The following PDE4D variants were observed in gnomAD, a reference collection of about 807,000 sequenced individuals.
The protein encoded by PDE4D is phosphodiesterase 4D.
PDE4D carries 24 observed loss-of-function variants against 87.4 expected under a neutral mutation model. The ratio of observed to expected loss-of-function variants is 0.27; its 90% confidence interval spans 0.20 to 0.39. PDE4D has a LOEUF of 0.39. Ranked by LOEUF, PDE4D falls within the 10% of genes least tolerant of loss-of-function variation. PDE4D has a pLI of 1.00. For synonymous variants in PDE4D, 384 were observed against 383.2 expected (o/e 1.00, Z -0.02); for missense variants, 714 against 1,041.0 (o/e 0.69, Z 4.32).
chr5:60,438,318 G>A (rs1260968470), intron 1 of PDE4D, among the ~76,000 whole-genome samples: 4 of 152,202 alleles, frequency 2.6e-5, no homozygotes, highest in South Asian at 4.1e-4. Context: ...TGCCTTTCCT[G>A]TTAACCTCAT....
chr5:60,054,679 TA>T (rs71606622), intron 2 of PDE4D, among the ~76,000 whole-genome samples: 1,677 of 150,960 alleles, frequency 0.011, 27 homozygotes, highest in African/African-American at 0.037. Context: ...TAAAGTATAA[TA>T]AAAAAAAATA....
At chr5:59,602,659 C>T (rs944409132) in intron 1 of PDE4D, among the ~76,000 whole-genome samples, 1 of 151,926 alleles carries the variant, frequency 6.6e-6, no homozygotes, top group Non-Finnish European at 1.5e-5. Context: ...ATTCCAATAC[C>T]ATTCTTCACA....
intron 1 of PDE4D, chr5:59,217,078 G>A (rs1751420318): frequency 2.6e-6 from 1 of 383,942 alleles, no homozygotes. Flanking sequence ...TTAGAGCTGG[G>A]AAAAAATCTA....
intron 1 of PDE4D, among the ~76,000 whole-genome samples, chr5:60,294,570 T>C (rs563255205): frequency 6.6e-6 from 1 of 152,280 alleles, no homozygotes; most frequent in Admixed American, 6.5e-5. Context: ...TTTATTTTTT[T>C]CCCATATGGA....
At chr5:59,259,906 T>C (rs1185306077) in intron 1 of PDE4D, among the ~76,000 whole-genome samples, 1 of 151,836 alleles carries the variant, frequency 6.6e-6, no homozygotes, top group Non-Finnish European at 1.5e-5. Flanking sequence ...TGAATGAATT[T>C]ATTCAGGATG....
intron 1 of PDE4D, among the ~76,000 whole-genome samples, chr5:60,242,276 T>C (rs1452109841): frequency 1.3e-5 from 2 of 151,886 alleles, no homozygotes; most frequent in African/African-American, 4.8e-5. Flanking sequence ...AGGAAGAGGG[T>C]ATAACAATTA....
intron 5 of PDE4D, among the ~76,000 whole-genome samples, chr5:59,121,553 TA>T (rs1460754512): frequency 0.013 from 1,852 of 147,742 alleles, 34 homozygotes; most frequent in African/African-American, 0.043. Flanking sequence ...TAATAAAAAA[TA>T]AAAAAAAAAT....
intron 4 of PDE4D, among the ~76,000 whole-genome samples, chr5:59,181,541 C>CATATATATATATATA (rs61135815): frequency 0.013 from 793 of 60,618 alleles, 21 homozygotes; most frequent in African/African-American, 0.02. Context: ...TCAAAGATGT[C>CATATATATATATATA]TGATATATAT....
At chr5:60,450,772 T>C (rs948028287) in intron 1 of PDE4D, among the ~76,000 whole-genome samples, 15 of 152,272 alleles carry the variant, frequency 9.9e-5, no homozygotes, top group African/African-American at 3.4e-4. Context: ...TACATGGTGA[T>C]ATCTATCTTC....
At chr5:59,226,506 A>T (rs1753804285) in intron 1 of PDE4D, among the ~76,000 whole-genome samples, 1 of 152,170 alleles carries the variant, frequency 6.6e-6, no homozygotes, top group Admixed American at 6.5e-5. Context: ...GGAGAAATGG[A>T]GAGTTGTTGT....
At chr5:59,879,285 G>A (rs1165763036) in intron 1 of PDE4D, among the ~76,000 whole-genome samples, 1 of 152,152 alleles carries the variant, frequency 6.6e-6, no homozygotes, top group Non-Finnish European at 1.5e-5. Context: ...ACATCTTATA[G>A]GGAAGTTAAG....
intron 1 of PDE4D, among the ~76,000 whole-genome samples, chr5:60,318,216 T>A (rs1755831637): frequency 6.6e-6 from 1 of 152,258 alleles, no homozygotes; most frequent in Admixed American, 6.5e-5. Context: ...TCCTGTTGAA[T>A]TGATCCCTTT....
chr5:60,095,266 G>C (rs1427542609), intron 2 of PDE4D, among the ~76,000 whole-genome samples: 2 of 152,090 alleles, frequency 1.3e-5, no homozygotes, highest in African/African-American at 4.8e-5. Flanking sequence ...TGTTCTCTTT[G>C]TTCAGCTCCC....
At chr5:60,353,713 G>C (rs947157542) in intron 1 of PDE4D, among the ~76,000 whole-genome samples, 1 of 152,172 alleles carries the variant, frequency 6.6e-6, no homozygotes, top group African/African-American at 2.4e-5. Context: ...GATGTTGAGA[G>C]ATAATCCATA....
intron 3 of PDE4D, among the ~76,000 whole-genome samples, chr5:59,980,630 A>C (rs1047394056): frequency 4.6e-5 from 7 of 152,218 alleles, no homozygotes; most frequent in Non-Finnish European, 4.4e-5. Context: ...ACAGATATAA[A>C]GTAAAATACT....
At chr5:59,394,364 A>G (rs1788891478) in intron 1 of PDE4D, among the ~76,000 whole-genome samples, 1 of 152,200 alleles carries the variant, frequency 6.6e-6, no homozygotes. Flanking sequence ...TCTCAAAGGC[A>G]TATTCTCTTC....
chr5:59,909,360 C>T (rs1471355941), intron 3 of PDE4D, among the ~76,000 whole-genome samples: 2 of 151,440 alleles, frequency 1.3e-5, no homozygotes, highest in East Asian at 2.0e-4. Flanking sequence ...GAGTAAGGTT[C>T]AGGAATCGGC....
In PDE4D at chr5:60,077,376, G is replaced by C. The variant is rs555506539; in HGVS notation, c.43-88659C>G. ...GTATGTGAAGGCCAAGTAGCATGGGGGACGCTGCAGTTGTGGGAGGCAACA... is the reference window on the plus strand; with the variant it reads ...GTATGTGAAGGCCAAGTAGCATGGGCGACGCTGCAGTTGTGGGAGGCAACA... On this transcript the variant is annotated intron_variant, in intron 2 of 16. Coordinates refer to the PDE4D transcript ENST00000502484. Among the ~76,000 whole-genome samples the C allele has an allele frequency of 6.6e-5, 10 of 152,274 alleles. No homozygotes were observed. The East Asian group carries it at 1.7e-3, about 27-fold the overall frequency.
intron 1 of PDE4D, chr5:59,314,491 A>T (rs1204635682): frequency 6.6e-6 from 1 of 152,166 alleles, no homozygotes; most frequent in Non-Finnish European, 1.5e-5. Context: ...AGAACTGGGA[A>T]CAGAATCTCT....
Sources: allele counts gnomAD v4.1 joint callset (sites outside exome capture counted in the v4.1 genomes callset), GRCh38; gene constraint gnomAD v4.1.1; transcripts MANE v1.5; gene names NCBI Gene and HGNC (gene_info 2026-07-23, HGNC 2026-07-21).